Variants in TMF1 observed in about 807,000 individuals in gnomAD.
TMF1 encodes the protein TATA element modulatory factor 1, also known as TATA element modulatory factor.
In TMF1, 71 loss-of-function variants were observed where a neutral mutation model predicts 126.5. The ratio of observed to expected loss-of-function variants is 0.56; its 90% CI spans 0.46 to 0.68. The LOEUF (loss-of-function observed/expected upper bound fraction) is 0.68, where lower values mean the gene tolerates loss of function less well. TMF1 is among the 30% of genes least tolerant of loss of function. The pLI is 0.00. For synonymous variants in TMF1, 461 were observed against 430.5 expected (o/e 1.07, Z -0.88); for missense variants, 1,259 against 1,253.2 (o/e 1.00, Z -0.07).
intron 5 of TMF1, chr3:69,042,223 A>C: frequency 2.5e-6 from 1 of 398,764 alleles, no homozygotes. Flanking sequence ...TTTTTAGTAG[A>C]GACGGGGTTT....
rs746297689 is a variant in TMF1, at chr3:69,027,977, G to C, written c.2680C>G (p.Gln894Glu). ...ACTTTCATTCTTTCCATTTCTAACTGACTATTCAACAATGTCTAATAGAGA... is the reference window on the plus strand; with the variant it reads ...ACTTTCATTCTTTCCATTTCTAACTCACTATTCAACAATGTCTAATAGAGA... The part of the protein sequence containing the change: ...TRKEKTLLNS[Q>E]LEMERMKVEQ... Residue 894 changes from glutamine (Q) to glutamate (E), a missense_variant, in exon 13 of 17, where the codon CAG (glutamine) becomes GAG (glutamate). Coordinates refer to ENST00000398559, the MANE Select transcript of TMF1 (RefSeq NM_007114.3). The C allele has an allele frequency of 1.3e-6, 2 of 1,571,256 alleles. No individual in the cohort carries two copies. Among genetic ancestry groups the C allele is most frequent in the Non-Finnish European group, 8.7e-7 (1 of 1,144,052 alleles).
chr3:69,046,837 A>G (rs2091898356), intron 2 of TMF1, among the ~76,000 whole-genome samples: 1 of 152,234 alleles, frequency 6.6e-6, no homozygotes, highest in Non-Finnish European at 1.5e-5. Context: ...CAATATAAGG[A>G]TATATACTCC....
chr3:69,035,221 T>C (rs1456505409), intron 8 of TMF1, 106 bp from the exon 9 acceptor site: 13 of 868,880 alleles, frequency 1.5e-5, no homozygotes, highest in East Asian at 9.9e-5. Context: ...ATGTATACTA[T>C]TTCATACTCT....
intron 15 of TMF1, 108 bp downstream of exon 15, chr3:69,025,452 G>A: frequency 8.9e-7 from 1 of 1,129,746 alleles, no homozygotes; most frequent in Non-Finnish European, 1.3e-6. Flanking sequence ...ATGCCACTAT[G>A]TCATCTTGTT....
rs764194103 is a variant in TMF1, at chr3:69,051,988, C to T, written c.99G>A (p.Glu33=). The T allele has an allele frequency of 5.6e-6, 9 of 1,613,936 alleles. No individual in the cohort carries two copies. The Admixed American group carries it at 1.5e-4, about 27-fold the overall frequency. Residue 33 remains glutamate, a synonymous_variant, in exon 1 of 17, where the codon GAG becomes GAA. Coordinates refer to ENST00000398559, the MANE Select transcript of TMF1 (RefSeq NM_007114.3). ...TGGTCTCGGCCCAGATGCTCGGCTC[C>T]TCTTCCTGGATGTCCAGAACCCTGT... ...SIDRVLDIQE[E]EPSIWAETIP...
In TMF1 at chr3:69,048,135, T is replaced by C. The variant is rs769947418; in HGVS notation, c.570A>G (p.Pro190=). 9.8e-5 allele frequency: 158 copies of C among 1,614,124 alleles called. No individual in the cohort carries two copies. Among genetic ancestry groups the C allele is most frequent in the Non-Finnish European group, 1.1e-4 (128 of 1,180,054 alleles). Residue 190 remains proline (P), a synonymous_variant, in exon 2 of 17, where the codon CCA becomes CCG. Coordinates refer to ENST00000398559, the MANE Select transcript of TMF1 (RefSeq NM_007114.3). ...TTTCAGATACTTTCAAACTTACAGTTGGCACCTTCATATCCGATTCTTTAT... is the reference window on the plus strand; with the variant it reads ...TTTCAGATACTTTCAAACTTACAGTCGGCACCTTCATATCCGATTCTTTAT... ...TVNKESDMKV[P]TVSLKVSESV...
chr3:69,043,799 G>A lies in TMF1; in HGVS notation c.1529C>T (p.Ala510Val). 2.5e-6 allele frequency: 4 copies of A among 1,611,974 alleles called. No individual in the cohort carries two copies. Among genetic ancestry groups the A allele is most frequent in the Non-Finnish European group, 3.4e-6 (4 of 1,179,096 alleles). Reference sequence around the variant, plus strand: ...GCAGGCTAGTTGAACTTTCTTTTCTGCTTCTGCAATTCTTTGAGTAAACTC... The same window carrying A: ...GCAGGCTAGTTGAACTTTCTTTTCTACTTCTGCAATTCTTTGAGTAAACTC... ...KDEFTQRIAE[A>V]EKKVQLACKE... Residue 510 changes from alanine (A) to valine (V), a missense_variant, in exon 4 of 17, where the codon GCA becomes GTA. Coordinates refer to ENST00000398559, the MANE Select transcript of TMF1 (RefSeq NM_007114.3).
At chr3:69,031,860 A>C (rs2091804984) in intron 10 of TMF1, among the ~76,000 whole-genome samples, 1 of 152,198 alleles carries the variant, frequency 6.6e-6, no homozygotes, top group Non-Finnish European at 1.5e-5. Flanking sequence ...GGGTATGTAG[A>C]CTTCAGTCTA....
chr3:69,029,937 G>C lies in TMF1; in HGVS notation c.2472C>G (p.Asn824Lys), dbSNP rs1267650255. The C allele has an allele frequency of 6.2e-7, 1 of 1,613,986 alleles. No homozygotes were observed. Among genetic ancestry groups the C allele is most frequent in the Non-Finnish European group, 8.5e-7 (1 of 1,180,032 alleles). Reference sequence around the variant, plus strand: ...ACTCCATGGAAGACATCTGAATTTTGTTAGCAAGGAGTTCTTCTGTAGCTG... The same window carrying C: ...ACTCCATGGAAGACATCTGAATTTTCTTAGCAAGGAGTTCTTCTGTAGCTG... ...ERAATEELLA[N>K]KIQMSSMESQ... The change falls in exon 11 of 17, where the codon AAC becomes AAG. Residue 824 changes from asparagine to lysine, a missense_variant. Transcript: ENST00000398559.
intron 6 of TMF1, 48 bp downstream of exon 6, chr3:69,039,503 C>T: frequency 1.3e-6 from 2 of 1,575,294 alleles, no homozygotes; most frequent in Non-Finnish European, 1.7e-6. Flanking sequence ...ACTGTTCATA[C>T]AGGAAGTAAT....
chr3:69,041,315 T>C (rs1466738845), intron 5 of TMF1, among the ~76,000 whole-genome samples: 1 of 152,186 alleles, frequency 6.6e-6, no homozygotes, highest in African/African-American at 2.4e-5. Context: ...TATATTTCCC[T>C]CTCACTGAAC....
At chr3:69,027,555 T>C (rs1398564313) in intron 13 of TMF1, among the ~76,000 whole-genome samples, 1 of 152,160 alleles carries the variant, frequency 6.6e-6, no homozygotes, top group African/African-American at 2.4e-5. Flanking sequence ...ATGTTGATTT[T>C]AGACATTAAA....
rs768596855 is a variant in TMF1 at position 69,029,931 on chromosome 3, A to T, written c.2478T>A (p.Ile826=). ...TCTGTGACTCCATGGAAGACATCTGAATTTTGTTAGCAAGGAGTTCTTCTG... is the reference window on the plus strand; with the variant it reads ...TCTGTGACTCCATGGAAGACATCTGTATTTTGTTAGCAAGGAGTTCTTCTG... ...AATEELLANK[I]QMSSMESQNS... Residue 826 remains isoleucine, a synonymous_variant, in exon 11 of 17, where the codon ATT becomes ATA. Transcript: ENST00000398559. The T allele has an allele frequency of 1.9e-6, 3 of 1,614,170 alleles. No homozygotes were observed. Among genetic ancestry groups the T allele is most frequent in the Admixed American group, 1.7e-5 (1 of 60,028 alleles).
chr3:69,023,945 C>A (rs1026931783), intron 16 of TMF1, 110 bp downstream of exon 16: 2 of 1,022,842 alleles, frequency 2.0e-6, no homozygotes, highest in Non-Finnish European at 2.7e-6. Flanking sequence ...AATATTAGTA[C>A]TCTTTAATTT....
In TMF1 at chr3:69,044,515, T is replaced by C. The variant is rs1431002072; in HGVS notation, c.1428A>G (p.Glu476=). ...ACTCTTTCAGGTTATCAAAAGCTTC[T>C]TCTAGAAGTGCTTTTTCCTTACTAA... ...LSLSKEKALL[E]EAFDNLKDEM... is the part of the protein sequence containing the mutation. The change falls in exon 3 of 17, where the codon GAA becomes GAG. Residue 476 remains glutamate (E), a synonymous_variant. Transcript: ENST00000398559. The C allele has an allele frequency of 6.3e-7, 1 of 1,596,126 alleles. No homozygotes were observed. The highest frequency in any genetic ancestry group is 2.2e-5 in the East Asian group (1 of 44,658).
In TMF1 at chr3:69,039,447, T is replaced by C. The variant is rs747430989; in HGVS notation, c.1827+104A>G. 42 of 1,271,144 alleles carry C rather than the reference T, an allele frequency of 3.3e-5. 1 individual carries two copies. The Middle Eastern group carries it at 2.0e-3, about 59-fold the overall frequency. 78.7% of individuals were successfully genotyped at this position (1,271,144 alleles called of 1,614,324 possible). A position where few individuals can be genotyped will look rare whatever the true frequency, so the allele number is the denominator to read the frequency against. ...TATTGTTTGAAAAATCCTTCTTACA[T>C]GATATACCCCATTAAATCTTTTCAA... On this transcript the variant is annotated intron_variant, in intron 6 of 16. Coordinates refer to ENST00000398559, the MANE Select transcript of TMF1 (RefSeq NM_007114.3).
Position 69,052,122 on chromosome 3 carries a change from C to G in TMF1, c.-36G>C. Reference sequence around the variant, plus strand: ...CAGCCGGCAGTGGCGGCGGCAGCACCAAGCGGGAAGGCCTCAGGCCTGGGG... The same window carrying G: ...CAGCCGGCAGTGGCGGCGGCAGCACGAAGCGGGAAGGCCTCAGGCCTGGGG... On this transcript the variant is annotated 5_prime_UTR_variant, in exon 1 of 17. Transcript: ENST00000398559. 1 of 1,591,098 alleles carries G rather than the reference C, an allele frequency of 6.3e-7. No individual in the cohort carries two copies. The highest frequency in any genetic ancestry group is 1.3e-5 in the African/African-American group (1 of 74,560).
In TMF1 at chr3:69,032,234, T is replaced by A. The variant is rs551107132; in HGVS notation, c.2401+1314A>T. Among the ~76,000 whole-genome samples, 16 of 152,274 alleles carry A rather than the reference T, an allele frequency of 1.1e-4. No individual in the cohort carries two copies. The East Asian group carries it at 3.1e-3, about 29-fold the overall frequency. On this transcript the variant is annotated intron_variant, in intron 10 of 16. Transcript: ENST00000398559. ...CAAAGGTATCTAAGAGTCCACTGAA[T>A]ACTATTTGAAAGTCACTAATCTAGT... is the stretch of plus-strand genomic sequence containing the variant.
At position 69,047,865 on chromosome 3, in the gene TMF1, T is replaced by G. The variant is rs1559635837; in HGVS notation, c.840A>C (p.Thr280=). The G allele has an allele frequency of 6.2e-7, 1 of 1,614,018 alleles. No individual in the cohort carries two copies. The highest frequency in any genetic ancestry group is 1.7e-5 in the Admixed American group (1 of 60,024). Residue 280 remains threonine, a synonymous_variant, in exon 2 of 17, where the codon ACA becomes ACC. Transcript: ENST00000398559. ...ESSASSRQET[T]DSKSSLHLMQ... Reference sequence around the variant, plus strand: ...TCAAGTGAAGACTTGATTTTGAATCTGTAGTCTCTTGTCTCGAGCTCGCTG... The same window carrying G: ...TCAAGTGAAGACTTGATTTTGAATCGGTAGTCTCTTGTCTCGAGCTCGCTG...
Sources: gnomAD v4.1 joint callset for allele counts (sites outside exome capture counted in the v4.1 genomes callset) on GRCh38, gnomAD v4.1.1 for gene constraint, MANE v1.5 for transcripts, NCBI Gene and HGNC (gene_info 2026-07-23, HGNC 2026-07-21) for gene names.